Variants in SLC12A2 observed in about 807,000 individuals in gnomAD.
SLC12A2 encodes the protein solute carrier family 12 member 2, also known as Na-K-2Cl cotransporter 1.
Under a neutral mutation model 136.3 loss-of-function variants are expected in SLC12A2, and 67 were observed. That is an observed-to-expected ratio of 0.49 (90% CI 0.40 to 0.60). The LOEUF (loss-of-function observed/expected upper bound fraction) is 0.60, where lower values mean the gene tolerates loss of function less well. SLC12A2 is among the 20% of genes least tolerant of loss of function. The probability of loss-of-function intolerance (pLI) is 0.00; values close to 1 mark genes in which losing one functional copy is unlikely to be tolerated. For missense variants in SLC12A2, 1,322 were observed against 1,534.7 expected (o/e 0.86, Z 2.32); for synonymous variants, 619 against 562.9 (o/e 1.10, Z -1.41).
intron 19 of SLC12A2, among the ~76,000 whole-genome samples, chr5:128,172,754 A>G (rs1763418130): frequency 6.6e-6 from 1 of 152,182 alleles, no homozygotes; most frequent in Non-Finnish European, 1.5e-5. Context: ...AGAGGTCAGG[A>G]GTTTGAGACC....
At chr5:128,102,972 A>G (rs1240222465) in intron 1 of SLC12A2, among the ~76,000 whole-genome samples, 4 of 152,030 alleles carry the variant, frequency 2.6e-5, no homozygotes, top group African/African-American at 7.2e-5. Flanking sequence ...TGAATATTCT[A>G]CAGTTTCTTT....
intron 4 of SLC12A2, among the ~76,000 whole-genome samples, chr5:128,122,502 A>G (rs1215942926): frequency 6.6e-6 from 1 of 152,210 alleles, no homozygotes; most frequent in Non-Finnish European, 1.5e-5. Context: ...TTACATGGAT[A>G]GTGAGAACAA....
At chr5:128,180,233 G>A (rs941922243) in intron 22 of SLC12A2, among the ~76,000 whole-genome samples, 2 of 151,942 alleles carry the variant, frequency 1.3e-5, no homozygotes, top group Admixed American at 6.5e-5. Flanking sequence ...GCCTCCCAAA[G>A]TGCTGGGATT....
chr5:128,126,081 T>C (rs1388002220), intron 4 of SLC12A2, among the ~76,000 whole-genome samples: 2 of 152,362 alleles, frequency 1.3e-5, no homozygotes, highest in East Asian at 3.9e-4. Flanking sequence ...CTAAGTCTTC[T>C]AACTTTGTTC....
chr5:128,167,378 G>A (rs1763235667), intron 17 of SLC12A2, among the ~76,000 whole-genome samples: 1 of 152,044 alleles, frequency 6.6e-6, no homozygotes, highest in Non-Finnish European at 1.5e-5. Context: ...CATTCATTTG[G>A]ACTTTTGTTT....
At chr5:128,099,023 C>CA (rs905277753) in intron 1 of SLC12A2, among the ~76,000 whole-genome samples, 3 of 152,178 alleles carry the variant, frequency 2.0e-5, no homozygotes, top group African/African-American at 7.2e-5. Flanking sequence ...GACAAAAGTG[C>CA]AGCTACATCT....
At chr5:128,169,149 A>G (rs904002338) in intron 18 of SLC12A2, 4 of 152,092 alleles carry the variant, frequency 2.6e-5, no homozygotes, top group African/African-American at 7.2e-5. Context: ...CCACTATGCC[A>G]TACTTGATTT....
In SLC12A2 at chr5:128,133,186, A is replaced by G. The variant is rs751247163; in HGVS notation, c.1189-979A>G. 1.5e-3 allele frequency among the ~76,000 whole-genome samples: 221 copies of G among 152,114 alleles called. 2 individuals carry two copies. The highest frequency in any genetic ancestry group is 2.6e-4 in the Non-Finnish European group (18 of 67,954). Reference sequence around the variant, plus strand: ...AAAAACACTAAAAAATTTTTTTGCAAAGTAAAAAGTATGTAGCTTTATGAA... The same window carrying G: ...AAAAACACTAAAAAATTTTTTTGCAGAGTAAAAAGTATGTAGCTTTATGAA... On this transcript the variant is annotated intron_variant, in intron 5 of 26. Transcript: ENST00000262461.
intron 14 of SLC12A2, 95 bp downstream of exon 14, chr5:128,151,491 A>C: frequency 8.8e-7 from 1 of 1,142,134 alleles, no homozygotes; most frequent in Non-Finnish European, 1.2e-6. Context: ...TTTAAGCATC[A>C]TCTTTTGTAT....
chr5:128,161,159 AG>A (rs1763022881), intron 16 of SLC12A2, among the ~76,000 whole-genome samples: 1 of 152,204 alleles, frequency 6.6e-6, no homozygotes, highest in Admixed American at 6.5e-5. Flanking sequence ...GAGTTAACAA[AG>A]TTCATTTAGT....
chr5:128,111,615 A>T (rs1432749985), intron 1 of SLC12A2, among the ~76,000 whole-genome samples: 1 of 151,994 alleles, frequency 6.6e-6, no homozygotes, highest in African/African-American at 2.4e-5. Context: ...AATACAAAAA[A>T]TTAGCCGGGC....
intron 1 of SLC12A2, among the ~76,000 whole-genome samples, chr5:128,092,168 A>G (rs1760350744): frequency 6.6e-6 from 1 of 152,248 alleles, no homozygotes; most frequent in Non-Finnish European, 1.5e-5. Context: ...CTGTCCATAC[A>G]TCCCCATCCA....
chr5:128,122,588 A>G (rs1372361525), intron 4 of SLC12A2, among the ~76,000 whole-genome samples: 2 of 152,186 alleles, frequency 1.3e-5, no homozygotes, highest in African/African-American at 2.4e-5. Context: ...GAATGTCTAC[A>G]TAAGTCACAA....
In SLC12A2 at chr5:128,114,233, T is replaced by G; in HGVS notation, c.898T>G (p.Trp300Gly). The change falls in exon 3 of 27, where the codon TGG becomes GGG. Residue 300 changes from tryptophan (W) to glycine (G), a missense_variant. Transcript: ENST00000262461. Reference sequence around the variant, plus strand: ...TTAGGTACGTTGTATGTTAAACATTTGGGGTGTGATGCTTTTCATTAGATT... The same window carrying G: ...TTAGGTACGTTGTATGTTAAACATTGGGGGTGTGATGCTTTTCATTAGATT... ...GVLVRCMLNI[W>G]GVMLFIRLSW... The G allele has an allele frequency of 6.2e-7, 1 of 1,613,514 alleles. No homozygotes were observed. Among genetic ancestry groups the G allele is most frequent in the Non-Finnish European group, 8.5e-7 (1 of 1,179,642 alleles).
At position 128,110,709 on chromosome 5, in the gene SLC12A2, C is replaced by A; in HGVS notation, c.757-2105C>A. 2.1e-6 allele frequency: 3 copies of A among 1,446,122 alleles called. No individual in the cohort carries two copies. The South Asian group carries it at 3.4e-5, about 17-fold the overall frequency. 89.6% of individuals were successfully genotyped at this position (1,446,122 alleles called of 1,614,324 possible). On this transcript the variant is annotated intron_variant, in intron 1 of 26. Transcript: ENST00000262461. ...AATGAGCTCTGCAGCCCTGGAAACACTACATTCCAGTGAAGAGCAACCTGA... is the reference window on the plus strand; with the variant it reads ...AATGAGCTCTGCAGCCCTGGAAACAATACATTCCAGTGAAGAGCAACCTGA...
At chr5:128,104,672 TATATAG>T (rs58495401) in intron 1 of SLC12A2, among the ~76,000 whole-genome samples, 45,249 of 147,506 alleles carry the variant, frequency 0.31, 8,228 homozygotes, top group African/African-American at 0.51. Context: ...GATATATAGA[TATATAG>T]ATATAGATAT....
chr5:128,143,721 TCTG>T (rs1008918695), intron 10 of SLC12A2, among the ~76,000 whole-genome samples: 2 of 151,930 alleles, frequency 1.3e-5, no homozygotes, highest in African/African-American at 4.8e-5. Context: ...AGTACATGGT[TCTG>T]CTGATTTCAA....
chr5:128,167,678 A>G lies in SLC12A2; in HGVS notation c.2617-83A>G, dbSNP rs1465166448. 68 of 922,488 alleles carry G rather than the reference A, an allele frequency of 7.4e-5. 1 individual carries two copies. The highest frequency in any genetic ancestry group is 9.6e-5 in the Non-Finnish European group (58 of 604,106). The allele number at this position is 922,488 out of a possible 1,614,324, so 57.1% of individuals were successfully genotyped here. On this transcript the variant is annotated intron_variant, in intron 17 of 26. Transcript: ENST00000262461. ...TTAAGAGTGTCTATAGAAGCTGTCAATTTGGAGGACAGTTTTATCACTTCA... is the reference window on the plus strand; with the variant it reads ...TTAAGAGTGTCTATAGAAGCTGTCAGTTTGGAGGACAGTTTTATCACTTCA...
intron 16 of SLC12A2, among the ~76,000 whole-genome samples, chr5:128,159,477 A>G (rs1762964646): frequency 6.6e-6 from 1 of 152,158 alleles, no homozygotes; most frequent in Admixed American, 6.5e-5. Context: ...AACCTACAGA[A>G]TGGGAGAAAA....
Sources: gnomAD v4.1 joint callset for allele counts (sites outside exome capture counted in the v4.1 genomes callset) on GRCh38, gnomAD v4.1.1 for gene constraint, MANE v1.5 for transcripts, NCBI Gene and HGNC (gene_info 2026-07-23, HGNC 2026-07-21) for gene names.